Variants in ADGRE2 observed in about 807,000 individuals in gnomAD.
The protein encoded by ADGRE2 is CD97 antigen.
In ADGRE2, 83 loss-of-function variants were observed where a neutral mutation model predicts 100.8. The observed-to-expected ratio is 0.82, with a 90% CI of 0.69 to 0.99. ADGRE2 has a LOEUF of 0.99. Ranked by LOEUF, ADGRE2 falls within the 50% of genes least tolerant of loss-of-function variation. ADGRE2 has a pLI of 0.00. For missense variants in ADGRE2, 814 were observed against 1,035.7 expected (o/e 0.79, Z 2.94); for synonymous variants, 355 against 413.0 (o/e 0.86, Z 1.70).
At chr19:14,761,938 C>G (rs2043741554) in intron 11 of ADGRE2, among the ~76,000 whole-genome samples, 1 of 152,178 alleles carries the variant, frequency 6.6e-6, no homozygotes, top group Non-Finnish European at 1.5e-5. Context: ...CTTTCTCTCA[C>G]AAGAGAGAGA....
In ADGRE2 at chr19:14,770,669, CTTT is replaced by C. The variant is rs775214778; in HGVS notation, c.355+1670_355+1672del. ...CTTTTTCTTTTTGTTTCTTTCTTTT[CTTT>C]TTTTTTTTTTTTTTTTTTTTTTTTT... On this transcript the variant is annotated intron_variant, in intron 5 of 20. Transcript: ENST00000315576. Among the ~76,000 whole-genome samples the C allele has an allele frequency of 3.8e-3, 327 of 85,014 alleles. 31 individuals carry two copies. Among genetic ancestry groups the C allele is most frequent in the African/African-American group, 0.014 (298 of 21,636 alleles). The allele number at this position is 85,014 out of a possible 152,430, so 55.8% of individuals were successfully genotyped here.
At position 14,765,181 on chromosome 19, in the gene ADGRE2, C is replaced by G. The variant is rs1028347544; in HGVS notation, c.906+139G>C. On this transcript the variant is annotated intron_variant, in intron 10 of 20. Coordinates refer to ENST00000315576, the MANE Select transcript of ADGRE2 (RefSeq NM_013447.4). ...CACTTGGGTGTCCATTAGCTTCCACCAGCCCTGAAAGATGCTGGGAGTCAG... is the reference window on the plus strand; with the variant it reads ...CACTTGGGTGTCCATTAGCTTCCACGAGCCCTGAAAGATGCTGGGAGTCAG... 3.5e-6 allele frequency: 3 copies of G among 845,974 alleles called. No individual in the cohort carries two copies. The African/African-American group carries it at 5.1e-5, about 14-fold the overall frequency. The allele number at this position is 845,974 out of a possible 1,614,324, so 52.4% of individuals were successfully genotyped here.
intron 5 of ADGRE2, among the ~76,000 whole-genome samples, chr19:14,769,677 T>C (rs1045683690): frequency 3.3e-5 from 5 of 152,124 alleles, no homozygotes; most frequent in Admixed American, 3.3e-4. Context: ...CCTCTTTTCT[T>C]TTCTCTCTTC....
intron 7 of ADGRE2, 21 bp downstream of exon 7, chr19:14,766,214 C>T (rs749881650): frequency 5.6e-6 from 9 of 1,613,892 alleles, no homozygotes; most frequent in East Asian, 4.5e-5. Flanking sequence ...TCTCTGGGAA[C>T]GTGGGATCTG....
intron 11 of ADGRE2, among the ~76,000 whole-genome samples, chr19:14,757,462 A>T (rs35022239): frequency 0.3 from 45,821 of 152,138 alleles, 7,388 homozygotes; most frequent in Middle Eastern, 0.38. Flanking sequence ...AATTCACACT[A>T]CCTGATTCCA....
chr19:14,741,771 C>T (rs749849538), intron 20 of ADGRE2: 1 of 319,184 alleles, frequency 3.1e-6, no homozygotes, highest in East Asian at 4.8e-5. Context: ...AGGCATGAGT[C>T]ACTGTGCCTG....
At chr19:14,746,349 T>C in intron 17 of ADGRE2, 26 bp from the exon 18 acceptor site, 1 of 1,342,334 alleles carries the variant, frequency 7.4e-7, no homozygotes, top group Non-Finnish European at 1.1e-6. Context: ...GAAGATTTGT[T>C]GAATAGATTT....
At chr19:14,749,360 T>A (rs945487940) in intron 16 of ADGRE2, among the ~76,000 whole-genome samples, 1 of 144,178 alleles carries the variant, frequency 6.9e-6, no homozygotes, top group Non-Finnish European at 1.5e-5. Flanking sequence ...TATATGATTA[T>A]ACAATTTAAT....
In ADGRE2 at chr19:14,734,305, G is replaced by A. The variant is rs1299141651; in HGVS notation, c.*1931C>T. On this transcript the variant is annotated 3_prime_UTR_variant, in exon 21 of 21. Coordinates refer to ENST00000315576, the MANE Select transcript of ADGRE2 (RefSeq NM_013447.4). ...GAGGCCTGCGGATTGCCTGAGCTCA[G>A]GAGATTAAGACCTGAGCCTGGGCAG... 1.3e-5 allele frequency: 2 copies of A among 152,320 alleles called. No individual in the cohort carries two copies. The highest frequency in any genetic ancestry group is 3.9e-4 in the East Asian group (2 of 5,174). 9.4% of individuals were successfully genotyped at this position (152,320 alleles called of 1,614,324 possible). A position where few individuals can be genotyped will look rare whatever the true frequency, so the allele number is the denominator to read the frequency against.
At chr19:14,729,545 G>A (rs970964440), downstream of ADGRE2, among the ~76,000 whole-genome samples, 1 of 151,908 alleles carries the variant, frequency 6.6e-6, no homozygotes, top group African/African-American at 2.4e-5. Flanking sequence ...TAGAGTTAGG[G>A]TTTCTCCATT....
rs146035442 is a variant in ADGRE2, at chr19:14,761,239, T to C, written c.1084+3194A>G. On this transcript the variant is annotated intron_variant, in intron 11 of 20. Coordinates refer to ENST00000315576, the MANE Select transcript of ADGRE2 (RefSeq NM_013447.4). ...TAACATGGCGAAACCCTGTCTTTAC[T>C]GAAAACACACAAAATAATTAGCCGG... Among the ~76,000 whole-genome samples, 709 of 152,270 alleles carry C rather than the reference T, an allele frequency of 4.7e-3. 7 individuals carry two copies. The highest frequency in any genetic ancestry group is 0.016 in the African/African-American group (674 of 41,548).
intron 20 of ADGRE2, among the ~76,000 whole-genome samples, chr19:14,737,751 C>T (rs1431465318): frequency 6.6e-6 from 1 of 151,994 alleles, no homozygotes; most frequent in Non-Finnish European, 1.5e-5. Flanking sequence ...CACTTGAGGT[C>T]AGGAGTTTGA....
chr19:14,764,288 GTATTTCTTTTTAATCTCTTATTT>G (rs2043866168), intron 11 of ADGRE2, 122 bp downstream of exon 11: 10 of 712,376 alleles, frequency 1.4e-5, no homozygotes, highest in Non-Finnish European at 2.4e-5. Context: ...AGACTGGTAT[GTATTTCTTTTTAATCTCTTATTT>G]TAGTTTGTCG....
intron 20 of ADGRE2, among the ~76,000 whole-genome samples, chr19:14,742,926 ATT>A (rs561466290): frequency 0.099 from 14,437 of 145,704 alleles, 2,393 homozygotes; most frequent in African/African-American, 0.34. Context: ...AGAGCCAAGG[ATT>A]TTTTTTTTTT....
intron 5 of ADGRE2, among the ~76,000 whole-genome samples, chr19:14,771,084 C>G (rs745817966): frequency 6.6e-6 from 1 of 152,148 alleles, no homozygotes; most frequent in East Asian, 1.9e-4. Context: ...ACCAGCCCCC[C>G]TGCTGGGCTC....
chr19:14,745,630 A>T (rs549983579), intron 18 of ADGRE2, among the ~76,000 whole-genome samples: 1 of 152,206 alleles, frequency 6.6e-6, no homozygotes, highest in South Asian at 2.1e-4. Flanking sequence ...TTTGAGGCAG[A>T]GTCTCACTCT....
In ADGRE2 at chr19:14,743,819, C is replaced by T. The variant is rs987869679; in HGVS notation, c.2184-35G>A. The T allele has an allele frequency of 2.5e-6, 4 of 1,603,632 alleles. No individual in the cohort carries two copies. The African/African-American group carries it at 5.4e-5, about 21-fold the overall frequency. On this transcript the variant is annotated intron_variant, in intron 18 of 20. Transcript: ENST00000315576. ...GTAAGAAAGGAGGCTGGTGATGCAC[C>T]CAGAGAAAGAGAATCAAGGCTATTT... is the stretch of plus-strand genomic sequence containing the variant.
chr19:14,753,858 G>A (rs961175550), intron 14 of ADGRE2, among the ~76,000 whole-genome samples: 2 of 151,862 alleles, frequency 1.3e-5, no homozygotes, highest in African/African-American at 4.8e-5. Flanking sequence ...TATAAGCTCT[G>A]GGCTCTTCCT....
At chr19:14,728,987 G>A (rs1188378745), downstream of ADGRE2, among the ~76,000 whole-genome samples, 1 of 152,222 alleles carries the variant, frequency 6.6e-6, no homozygotes, top group Non-Finnish European at 1.5e-5. Context: ...GAAGGGGGAA[G>A]GGGACGTGAG....
Sources: allele counts gnomAD v4.1 joint callset (sites outside exome capture counted in the v4.1 genomes callset), GRCh38; gene constraint gnomAD v4.1.1; transcripts MANE v1.5; gene names NCBI Gene and HGNC (gene_info 2026-07-23, HGNC 2026-07-21).